Variants in BABAM2 observed in about 807,000 individuals in gnomAD.
BABAM2 encodes BRISC and BRCA1 A complex member 2, also known as BRISC and BRCA1-A complex member 2.
In BABAM2, 31 loss-of-function variants were observed where a neutral mutation model predicts 54.7. The ratio of observed to expected loss-of-function variants is 0.57; its 90% CI spans 0.43 to 0.77. The LOEUF (loss-of-function observed/expected upper bound fraction) is 0.77. BABAM2 is among the 30% of genes least tolerant of loss of function. BABAM2 has a pLI of 0.00. For missense variants in BABAM2, 364 were observed against 455.8 expected, an observed-to-expected ratio of 0.80 and a Z score of 1.83; for synonymous variants, 167 against 162.9, an observed-to-expected ratio of 1.03 and a Z score of -0.19.
rs920544865 is a variant in BABAM2 at position 28,304,544 on chromosome 2, C to A, written c.1088+6053C>A. On this transcript the variant is annotated intron_variant, in intron 11 of 11. Coordinates refer to ENST00000379624, the MANE Select transcript of BABAM2 (RefSeq NM_199191.3). The surrounding 1 kb of genome is among the most constrained non-coding windows in gnomAD (Gnocchi z 4.0). ...TAAATTCACTTATTACTACTAAAAT[C>A]TAATAGATTTTTTAAATAGATTTCT... Among the ~76,000 whole-genome samples, 8 of 151,694 alleles carry A rather than the reference C, an allele frequency of 5.3e-5. No homozygotes were observed. Among genetic ancestry groups the A allele is most frequent in the Admixed American group, 2.6e-4 (4 of 15,218 alleles).
intron 3 of BABAM2, among the ~76,000 whole-genome samples, chr2:27,951,732 G>A (rs146197367): frequency 6.0e-4 from 92 of 152,110 alleles, no homozygotes; most frequent in Non-Finnish European, 4.3e-4. Flanking sequence ...TAGGTTATTG[G>A]GGAACAGGTG....
Position 28,237,272 on chromosome 2 carries a change from C to G in BABAM2, c.751C>G (p.Pro251Ala). Residue 251 changes from proline (P) to alanine (A), a missense_variant, in exon 8 of 12, where the codon CCT becomes GCT. Coordinates refer to ENST00000379624, the MANE Select transcript of BABAM2 (RefSeq NM_199191.3). ...PGGGCLIDYV[P>A]QVCHLLTNKV... ...AGGAGGATGTCTCATTGATTACGTT[C>G]CTCAAGTATGCCACCTGCTCACCAA... 1.2e-6 allele frequency: 2 copies of G among 1,613,808 alleles called. No individual in the cohort carries two copies. The highest frequency in any genetic ancestry group is 1.7e-6 in the Non-Finnish European group (2 of 1,179,814).
At chr2:28,003,109 G>A (rs966915844) in intron 4 of BABAM2, among the ~76,000 whole-genome samples, 1 of 152,182 alleles carries the variant, frequency 6.6e-6, no homozygotes, top group Admixed American at 6.5e-5. Context: ...CTAGAATTAT[G>A]TGACTTCTTG....
chr2:28,035,433 A>G (rs1676595706), intron 5 of BABAM2, among the ~76,000 whole-genome samples: 1 of 152,098 alleles, frequency 6.6e-6, no homozygotes, highest in South Asian at 2.1e-4. Context: ...ACCTTCACCT[A>G]TAATCTCCCT....
intron 7 of BABAM2, among the ~76,000 whole-genome samples, chr2:28,176,569 C>CAAAAAAAAAA (rs778275011): frequency 0.064 from 321 of 5,038 alleles, 138 homozygotes; most frequent in Non-Finnish European, 0.086. Flanking sequence ...GACTCTATCT[C>CAAAAAAAAAA]AAAAAAAAAA....
At chr2:27,898,283 C>T (rs1230685658) in intron 2 of BABAM2, among the ~76,000 whole-genome samples, 1 of 152,044 alleles carries the variant, frequency 6.6e-6, no homozygotes, top group African/African-American at 2.4e-5. Context: ...CTTTTCCTTC[C>T]CACCTCAGGT....
chr2:28,133,472 AG>A (rs1482521938), intron 7 of BABAM2, among the ~76,000 whole-genome samples: 1 of 152,182 alleles, frequency 6.6e-6, no homozygotes, highest in Admixed American at 6.5e-5. Flanking sequence ...GGCTCTTTCT[AG>A]GAAGTCCCAA....
intron 11 of BABAM2, among the ~76,000 whole-genome samples, chr2:28,314,144 G>C (rs978634116): frequency 6.6e-6 from 1 of 152,124 alleles, no homozygotes; most frequent in Non-Finnish European, 1.5e-5. Flanking sequence ...TCACCTTACA[G>C]ACAATAAGAA....
At chr2:28,096,795 T>A (rs1666669775) in intron 6 of BABAM2, among the ~76,000 whole-genome samples, 1 of 151,970 alleles carries the variant, frequency 6.6e-6, no homozygotes, top group African/African-American at 2.4e-5. Flanking sequence ...ATAGGGCTGC[T>A]GAGAACATCT....
intron 11 of BABAM2, among the ~76,000 whole-genome samples, chr2:28,313,978 C>G (rs373846902): frequency 6.6e-6 from 1 of 152,038 alleles, no homozygotes. Flanking sequence ...TGTAGAAAAC[C>G]CCAGTTTTGC....
At chr2:28,009,561 A>G (rs1021247154) in intron 4 of BABAM2, among the ~76,000 whole-genome samples, 14 of 152,064 alleles carry the variant, frequency 9.2e-5, no homozygotes, top group Admixed American at 6.6e-4. Flanking sequence ...GTATGTCTTC[A>G]TGATTATTTA....
chr2:27,898,201 T>C (rs1665494553), intron 2 of BABAM2, among the ~76,000 whole-genome samples: 2 of 152,228 alleles, frequency 1.3e-5, no homozygotes, highest in South Asian at 4.1e-4. Flanking sequence ...TTTCTGTGTT[T>C]TTGAAGGTTT....
chr2:27,994,068 A>G (rs913456428), intron 4 of BABAM2, among the ~76,000 whole-genome samples: 1 of 152,152 alleles, frequency 6.6e-6, no homozygotes, highest in Non-Finnish European at 1.5e-5. Context: ...TCATTTTTCA[A>G]ATCTCCATTT....
intron 10 of BABAM2, among the ~76,000 whole-genome samples, chr2:28,245,774 A>G (rs1401547233): frequency 6.6e-6 from 1 of 152,152 alleles, no homozygotes; most frequent in Admixed American, 6.6e-5. Context: ...GCCTTAATAA[A>G]CTACTGCAGG....
chr2:28,301,323 C>A (rs1423017364), intron 11 of BABAM2, among the ~76,000 whole-genome samples: 2 of 152,176 alleles, frequency 1.3e-5, no homozygotes, highest in Non-Finnish European at 2.9e-5. Flanking sequence ...CTTTTCCTAC[C>A]ACATGTGCTT....
intron 7 of BABAM2, among the ~76,000 whole-genome samples, chr2:28,142,698 C>A (rs565417005): frequency 6.6e-6 from 1 of 152,182 alleles, no homozygotes; most frequent in South Asian, 2.1e-4. Flanking sequence ...GTTTTCATTT[C>A]CTCCTCTGAC....
At chr2:28,071,982 G>A (rs1664184614) in intron 6 of BABAM2, among the ~76,000 whole-genome samples, 1 of 152,084 alleles carries the variant, frequency 6.6e-6, no homozygotes, top group African/African-American at 2.4e-5. Context: ...TATATTTCAT[G>A]ACCCAAATCT....
chr2:28,312,420 C>T (rs576561282), intron 11 of BABAM2, among the ~76,000 whole-genome samples: 1 of 152,246 alleles, frequency 6.6e-6, no homozygotes, highest in African/African-American at 2.4e-5. Flanking sequence ...ACCACACACA[C>T]GTATTTTGAA....
chr2:28,026,974 A>ATT, intron 5 of BABAM2, among the ~76,000 whole-genome samples: 1 of 109,070 alleles, frequency 9.2e-6, no homozygotes, highest in East Asian at 2.2e-4. Context: ...ATATATAAAT[A>ATT]TATAAATATA....
Sources: gnomAD v4.1 joint callset for allele counts (sites outside exome capture counted in the v4.1 genomes callset) on GRCh38, gnomAD v4.1.1 for gene constraint, Gnocchi (gnomAD v3.1) non-coding constraint, MANE v1.5 for transcripts, NCBI Gene and HGNC (gene_info 2026-07-23, HGNC 2026-07-21) for gene names.